KIF13A: variants seen among roughly 807,000 people sequenced by gnomAD.
KIF13A encodes the protein kinesin-like protein KIF13A.
KIF13A carries 79 observed loss-of-function variants against 212.2 expected under a neutral mutation model. The observed-to-expected ratio is 0.37, with a 90% CI of 0.31 to 0.45. KIF13A has a LOEUF of 0.45. Among genes scored for constraint, KIF13A ranks in the 20% least tolerant of loss-of-function variants. KIF13A has a pLI of 1.00. For synonymous variants in KIF13A, 789 were observed against 808.6 expected (o/e 0.98, Z 0.41); for missense variants, 1,901 against 2,209.0 (o/e 0.86, Z 2.79).
At chr6:17,983,482 T>TTTC (rs146683658) in intron 2 of KIF13A, among the ~76,000 whole-genome samples, 2 of 140,918 alleles carry the variant, frequency 1.4e-5, no homozygotes. Flanking sequence ...CAAAACTGTC[T>TTTC]TGCTGCTGCT....
chr6:17,974,940 C>T (rs747693117), intron 2 of KIF13A, among the ~76,000 whole-genome samples: 2 of 152,206 alleles, frequency 1.3e-5, no homozygotes, highest in Non-Finnish European at 2.9e-5. Flanking sequence ...GAAGATATAG[C>T]ATATTTCCAT....
chr6:17,974,509 CTG>C lies in KIF13A; in HGVS notation c.146+12543_146+12544del, dbSNP rs539074791. On this transcript the variant is annotated intron_variant, in intron 2 of 38. Coordinates refer to ENST00000259711, the MANE Select transcript of KIF13A (RefSeq NM_022113.6). ...CTTTGGATGGCTATACCCCCAGACA[CTG>C]TGGAGCAAAGACACGTCATATGTAC... Among the ~76,000 whole-genome samples, 16 of 152,318 alleles carry C rather than the reference CTG, an allele frequency of 1.1e-4. No homozygotes were observed. The East Asian group carries it at 2.9e-3, about 28-fold the overall frequency.
At position 17,779,103 on chromosome 6, in the gene KIF13A, C is replaced by T. The variant is rs376393481; in HGVS notation, c.3940-4G>A. ...GGTCCTCTATCTCCTCAGTTGCCTA[C>T]GAGGACAGGAAGGAAGTGACAATAC... On this transcript the variant is annotated splice_region_variant and splice_polypyrimidine_tract_variant and intron_variant, in intron 32 of 38. Coordinates refer to ENST00000259711, the MANE Select transcript of KIF13A (RefSeq NM_022113.6). 1.7e-5 allele frequency: 27 copies of T among 1,612,648 alleles called. No homozygotes were observed. The highest frequency in any genetic ancestry group is 4.0e-5 in the African/African-American group (3 of 74,762).
rs1770122838 is a variant in KIF13A, at chr6:17,872,635, A to G, written c.220+742T>C. Among the ~76,000 whole-genome samples the G allele has an allele frequency of 6.6e-6, 1 of 152,216 alleles. No individual in the cohort carries two copies. Among genetic ancestry groups the G allele is most frequent in the East Asian group, 1.9e-4 (1 of 5,204 alleles). ...TATATGCAACTTTCATTTGCCAGTT[A>G]GAAAAATAATTTTTTTTTATTTTTT... is the stretch of plus-strand genomic sequence containing the variant. On this transcript the variant is annotated intron_variant, in intron 4 of 38. Coordinates refer to ENST00000259711, the MANE Select transcript of KIF13A (RefSeq NM_022113.6). The surrounding 1 kb of genome is among the most constrained non-coding windows in gnomAD (Gnocchi z 4.7).
chr6:17,982,585 T>C lies in KIF13A; in HGVS notation c.146+4469A>G, dbSNP rs1457418154. Among the ~76,000 whole-genome samples, 2 of 152,234 alleles carry C rather than the reference T, an allele frequency of 1.3e-5. No homozygotes were observed. The highest frequency in any genetic ancestry group is 4.8e-5 in the African/African-American group (2 of 41,468). On this transcript the variant is annotated intron_variant, in intron 2 of 38. Transcript: ENST00000259711. The surrounding 1 kb of genome is among the most constrained non-coding windows in gnomAD (Gnocchi z 5.1). ...ATGAACAGGAAGCTAAAAACTTTCA[T>C]GCTCTTCTACCGAGAGCCCATATTT...
chr6:17,966,443 AT>A (rs543132119), intron 2 of KIF13A, among the ~76,000 whole-genome samples: 7,247 of 116,034 alleles, frequency 0.062, 209 homozygotes, highest in African/African-American at 0.12. Context: ...AAGACTCTGA[AT>A]TTTTTTTTTT....
intron 12 of KIF13A, among the ~76,000 whole-genome samples, chr6:17,832,375 T>C (rs946744582): frequency 6.8e-4 from 103 of 152,270 alleles, no homozygotes; most frequent in African/African-American, 2.4e-3. Flanking sequence ...ACAAATTCTC[T>C]GTCAATTAGG....
rs1048019963 is a variant in KIF13A, at chr6:17,787,526, C to T, written c.3361+250G>A. Among the ~76,000 whole-genome samples, 1 of 152,090 alleles carries T rather than the reference C, an allele frequency of 6.6e-6. No homozygotes were observed. The highest frequency in any genetic ancestry group is 1.5e-5 in the Non-Finnish European group (1 of 68,034). ...ATGAGCCAGGAGTGGTAGCTTGTGC[C>T]TGTGGTCTCAGCTACTCAGGAGGCT... On this transcript the variant is annotated intron_variant, in intron 27 of 38. Transcript: ENST00000259711. This position sits in a 1 kb window ranked among gnomAD's most constrained non-coding sequence, Gnocchi z 4.6.
At chr6:17,932,640 A>G (rs188266782) in intron 2 of KIF13A, among the ~76,000 whole-genome samples, 1 of 152,262 alleles carries the variant, frequency 6.6e-6, no homozygotes, top group Admixed American at 6.5e-5. Context: ...TGTCACCTCA[A>G]CACCCTTGTA....
intron 26 of KIF13A, among the ~76,000 whole-genome samples, chr6:17,788,426 C>T (rs1432017266): frequency 6.6e-6 from 1 of 152,180 alleles, no homozygotes; most frequent in African/African-American, 2.4e-5. Flanking sequence ...CATGCAAACT[C>T]CAACATGCAG....
Position 17,783,605 on chromosome 6 carries a change from G to C in KIF13A, c.3544+41C>G. On this transcript the variant is annotated intron_variant, in intron 29 of 38. Transcript: ENST00000259711. This position sits in a 1 kb window ranked among gnomAD's most constrained non-coding sequence, Gnocchi z 4.3. ...GAATCTGGATAGATTACAAACCTTA[G>C]TTAAATACAATAATCCCTGTGACTT... 1 of 1,289,350 alleles carries C rather than the reference G, an allele frequency of 7.8e-7. No homozygotes were observed. Among genetic ancestry groups the C allele is most frequent in the Non-Finnish European group, 1.1e-6 (1 of 906,158 alleles). The allele number at this position is 1,289,350 out of a possible 1,614,324, so 79.9% of individuals were successfully genotyped here.
At position 17,764,318 on chromosome 6, in the gene KIF13A, T is replaced by C. The variant is rs774507101; in HGVS notation, c.5210A>G (p.Glu1737Gly). The change falls in exon 39 of 39, where the codon GAA (glutamate) becomes GGA (glycine). Residue 1737 changes from glutamate to glycine, a missense_variant. This residue lies in a region of KIF13A where 687 missense variants were observed against 759.1 expected (regional missense o/e 0.90). Transcript: ENST00000259711. This position sits in a 1 kb window ranked among gnomAD's most constrained non-coding sequence, Gnocchi z 5.1. ...TNILEDHSFT[E>G]FMGVSEGKDF... is the part of the protein sequence containing the mutation. ...TTTTCCCTCTGACACTCCCATAAAT[T>C]CTGTGAAAGAATGGTCTTCAAGGAT... 5 of 1,613,846 alleles carry C rather than the reference T, an allele frequency of 3.1e-6. No individual in the cohort carries two copies. Among genetic ancestry groups the C allele is most frequent in the Non-Finnish European group, 4.2e-6 (5 of 1,179,894 alleles).
rs1421672857 is a variant in KIF13A at position 17,897,043 on chromosome 6, T to C, written c.159+1125A>G. Among the ~76,000 whole-genome samples, 2 of 152,200 alleles carry C rather than the reference T, an allele frequency of 1.3e-5. No individual in the cohort carries two copies. The highest frequency in any genetic ancestry group is 2.9e-5 in the Non-Finnish European group (2 of 68,042). On this transcript the variant is annotated intron_variant, in intron 3 of 38. Transcript: ENST00000259711. The surrounding 1 kb of genome is among the most constrained non-coding windows in gnomAD (Gnocchi z 4.8). Reference sequence around the variant, plus strand: ...GTCCAGAATGCCACTGCCAATACTTTTCTAATATATTATATATTTCCTCTT... The same window carrying C: ...GTCCAGAATGCCACTGCCAATACTTCTCTAATATATTATATATTTCCTCTT...
chr6:17,799,980 A>C lies in KIF13A; in HGVS notation c.2588T>G (p.Ile863Ser). 6.2e-7 allele frequency: 1 copy of C among 1,613,938 alleles called. No individual in the cohort carries two copies. The highest frequency in any genetic ancestry group is 1.1e-5 in the South Asian group (1 of 91,078). ...LEVVDSSGEIIHRVKKLTCRV... is the reference protein window; with the variant it reads ...LEVVDSSGEISHRVKKLTCRV... The stretch of plus-strand genomic sequence containing the variant: ...ACATGTCAGCTTTTTGACTCGGTGA[A>C]TGATTTCCCCGCTGCTGTCTACGAC... Residue 863 changes from isoleucine (I) to serine (S), a missense_variant, in exon 21 of 39, where the codon ATT (isoleucine) becomes AGT (serine). Around this residue, in one of 5 missense-constraint regions of KIF13A, gnomAD observed 534 missense variants for 536.9 expected, o/e 0.99. Coordinates refer to ENST00000259711, the MANE Select transcript of KIF13A (RefSeq NM_022113.6). This position sits in a 1 kb window ranked among gnomAD's most constrained non-coding sequence, Gnocchi z 4.4.
At chr6:17,954,449 T>C (rs1188023326) in intron 2 of KIF13A, among the ~76,000 whole-genome samples, 3 of 152,082 alleles carry the variant, frequency 2.0e-5, no homozygotes, top group African/African-American at 7.2e-5. Context: ...AGCTGCTCAA[T>C]AAATAACAGC....
downstream of KIF13A, chr6:17,760,891 G>A: frequency 6.2e-7 from 1 of 1,613,524 alleles, no homozygotes; most frequent in Non-Finnish European, 8.5e-7. Flanking sequence ...GAATGCAGAG[G>A]CTGGTGAGTT....
intron 9 of KIF13A, among the ~76,000 whole-genome samples, chr6:17,846,789 C>T (rs1197315126): frequency 1.3e-5 from 2 of 152,072 alleles, no homozygotes; most frequent in African/African-American, 4.8e-5. Context: ...ATTAAGGGGG[C>T]ACTATTTACA....
At chr6:17,820,501 A>G (rs1292066969) in intron 16 of KIF13A, among the ~76,000 whole-genome samples, 10 of 152,234 alleles carry the variant, frequency 6.6e-5, no homozygotes, top group Non-Finnish European at 1.5e-5. Flanking sequence ...CAAACAGACC[A>G]TCCAAATCAG....
At chr6:17,893,645 C>A (rs1166997626) in intron 3 of KIF13A, among the ~76,000 whole-genome samples, 1 of 152,078 alleles carries the variant, frequency 6.6e-6, no homozygotes, top group African/African-American at 2.4e-5. Flanking sequence ...AGATCAATAT[C>A]CTCGCCTTAT....
Sources: allele counts gnomAD v4.1 joint callset (sites outside exome capture counted in the v4.1 genomes callset), GRCh38; gene constraint gnomAD v4.1.1; regional missense constraint gnomAD v4.1.1; non-coding constraint Gnocchi (gnomAD v3.1); transcripts MANE v1.5; gene names NCBI Gene and HGNC (gene_info 2026-07-23, HGNC 2026-07-21).